The following USP30 variants were observed in gnomAD, a reference collection of about 807,000 sequenced individuals.
USP30 encodes ubiquitin carboxyl-terminal hydrolase 30.
USP30 carries 41 observed loss-of-function variants against 68.2 expected under a neutral mutation model. The ratio of observed to expected loss-of-function variants is 0.60; its 90% confidence interval spans 0.47 to 0.78. The LOEUF (loss-of-function observed/expected upper bound fraction) is 0.78. USP30 is among the 30% of genes least tolerant of loss of function. USP30 has a pLI of 0.00. For missense variants in USP30, 522 were observed against 649.4 expected, an observed-to-expected ratio of 0.80 and a Z score of 2.13; for synonymous variants, 229 against 253.7, an observed-to-expected ratio of 0.90 and a Z score of 0.93.
intron 3 of USP30, among the ~76,000 whole-genome samples, chr12:109,037,534 A>G (rs1045436666): frequency 6.6e-6 from 1 of 151,942 alleles, no homozygotes; most frequent in Non-Finnish European, 1.5e-5. Context: ...TAATATGGCA[A>G]CTCTGGAAAT....
chr12:109,061,638 A>G (rs1489751751), intron 3 of USP30, among the ~76,000 whole-genome samples: 2 of 151,784 alleles, frequency 1.3e-5, no homozygotes, highest in East Asian at 2.0e-4. Flanking sequence ...TCGAACTCCT[A>G]AGCTCAAGCA....
chr12:109,078,116 C>A (rs1315722991), intron 7 of USP30, among the ~76,000 whole-genome samples: 1 of 152,194 alleles, frequency 6.6e-6, no homozygotes, highest in East Asian at 1.9e-4. Context: ...GGAACCTCCT[C>A]CGTACAATTT....
intron 2 of USP30, among the ~76,000 whole-genome samples, chr12:109,057,173 G>A (rs2040902908): frequency 6.6e-6 from 1 of 151,560 alleles, no homozygotes; most frequent in South Asian, 2.1e-4. Context: ...TCAAGTTAGT[G>A]CCTTCATTAC....
At chr12:109,052,813 G>A in intron 1 of USP30, 52 bp downstream of exon 1, 2 of 1,396,986 alleles carry the variant, frequency 1.4e-6, no homozygotes, top group Non-Finnish European at 1.9e-6. Context: ...AGGGTCCCCA[G>A]CTTGGGCCCG....
At chr12:109,034,772 C>A (rs923496322) in intron 3 of USP30, among the ~76,000 whole-genome samples, 1 of 151,802 alleles carries the variant, frequency 6.6e-6, no homozygotes, top group Non-Finnish European at 1.5e-5. Context: ...TTAATTCTGT[C>A]CTTTTTTTTT....
At chr12:109,067,200 G>A (rs1230081928) in intron 3 of USP30, among the ~76,000 whole-genome samples, 3 of 137,774 alleles carry the variant, frequency 2.2e-5, no homozygotes, top group East Asian at 2.3e-4. Context: ...TGCAAGCTCC[G>A]CCTCCCGGGT....
At chr12:109,076,990 T>TCA (rs2041631318) in intron 7 of USP30, among the ~76,000 whole-genome samples, 1 of 152,064 alleles carries the variant, frequency 6.6e-6, no homozygotes, top group African/African-American at 2.4e-5. Flanking sequence ...CCTCAGCCTC[T>TCA]CAAAGTGCTG....
chr12:109,039,750 A>C (rs769673138), intron 3 of USP30, among the ~76,000 whole-genome samples: 47 of 152,158 alleles, frequency 3.1e-4, no homozygotes, highest in Non-Finnish European at 5.1e-4. Context: ...AGCTGGGACT[A>C]CAGGTGCCCG....
At chr12:109,034,436 T>C (rs371828004) in intron 3 of USP30, among the ~76,000 whole-genome samples, 4 of 152,166 alleles carry the variant, frequency 2.6e-5, no homozygotes, top group East Asian at 1.9e-4. Flanking sequence ...GAAGAAAGTG[T>C]ATTCTGTAGG....
intron 9 of USP30, 144 bp downstream of exon 9, chr12:109,082,163 A>G (rs902871366): frequency 1.2e-6 from 1 of 816,042 alleles, no homozygotes; most frequent in Non-Finnish European, 2.0e-6. Flanking sequence ...TGGTTTGGAC[A>G]TTGGCAGCTC....
At chr12:109,041,932 C>A (rs917939761) in intron 3 of USP30, among the ~76,000 whole-genome samples, 14 of 151,904 alleles carry the variant, frequency 9.2e-5, no homozygotes, top group Admixed American at 9.2e-4. Flanking sequence ...TAAAGAAAGA[C>A]AAACTTATAG....
upstream of USP30, among the ~76,000 whole-genome samples, chr12:109,051,920 T>C (rs2040681663): frequency 6.6e-6 from 1 of 152,188 alleles, no homozygotes; most frequent in African/African-American, 2.4e-5. Context: ...TAAAATTACC[T>C]ATGTGGCTCC....
Position 109,085,574 on chromosome 12 carries a change from C to T in USP30, c.1290-93C>T, listed in dbSNP as rs147362241. On this transcript the variant is annotated intron_variant, in intron 12 of 12. Transcript: ENST00000257548. ...GGTGGTATGGACTTACCATTGTATT[C>T]ATCCCCTATTTAACATTAGCATTCT... 66 of 1,459,426 alleles carry T rather than the reference C, an allele frequency of 4.5e-5. No homozygotes were observed. In the East Asian group the frequency reaches 1.4e-3, roughly 32 times the overall value. 90.4% of individuals were successfully genotyped at this position (1,459,426 alleles called of 1,614,324 possible). A position where few individuals can be genotyped will look rare whatever the true frequency, so the allele number is the denominator to read the frequency against.
rs2135851360 is a variant in USP30, at chr12:109,087,668, C to T, written c.*1737C>T. 1 of 152,390 alleles carries T rather than the reference C, an allele frequency of 6.6e-6. No homozygotes were observed. The highest frequency in any genetic ancestry group is 1.9e-4 in the East Asian group (1 of 5,186). 9.4% of individuals were successfully genotyped at this position (152,390 alleles called of 1,614,324 possible). A position where few individuals can be genotyped will look rare whatever the true frequency, so the allele number is the denominator to read the frequency against. On this transcript the variant is annotated 3_prime_UTR_variant, in exon 13 of 13. Coordinates refer to ENST00000257548, the MANE Select transcript of USP30 (RefSeq NM_032663.5). Reference sequence around the variant, plus strand: ...AATTGCTGTTCTGCCACTGCTTACTCTGAAATCTACCATCAAAGAAAGATA... The same window carrying T: ...AATTGCTGTTCTGCCACTGCTTACTTTGAAATCTACCATCAAAGAAAGATA...
intron 7 of USP30, among the ~76,000 whole-genome samples, chr12:109,079,573 T>C (rs1257955179): frequency 6.6e-6 from 1 of 151,764 alleles, no homozygotes; most frequent in Non-Finnish European, 1.5e-5. Flanking sequence ...ACTGTGTTGC[T>C]CAGGTTGGTC....
intron 2 of USP30, among the ~76,000 whole-genome samples, chr12:109,027,149 T>C (rs2040450376): frequency 6.6e-6 from 1 of 152,212 alleles, no homozygotes; most frequent in South Asian, 2.1e-4. Context: ...AGTATATTCA[T>C]AATGTTATAT....
chr12:109,081,660 C>CACACAG lies in USP30; in HGVS notation c.780+270_781-269insCAGACA. 7.1e-6 allele frequency: 4 copies of CACACAG among 565,536 alleles called. No individual in the cohort carries two copies. In the South Asian group the frequency reaches 8.5e-5, roughly 12 times the overall value. The allele number at this position is 565,536 out of a possible 1,614,324, so 35.0% of individuals were successfully genotyped here. A position where few individuals can be genotyped will look rare whatever the true frequency, so the allele number is the denominator to read the frequency against. On this transcript the variant is annotated intron_variant, in intron 8 of 12. Coordinates refer to ENST00000257548, the MANE Select transcript of USP30 (RefSeq NM_032663.5). Reference sequence around the variant, plus strand: ...ACACACACACACACACACACACACACACAGACATTAACCTCAGATTGAAAG... The same window carrying CACACAG: ...ACACACACACACACACACACACACACACACAGACAGACATTAACCTCAGATTGAAAG...
At chr12:109,068,600 A>G (rs1457784839) in intron 4 of USP30, among the ~76,000 whole-genome samples, 1 of 152,216 alleles carries the variant, frequency 6.6e-6, no homozygotes, top group African/African-American at 2.4e-5. Context: ...TCCTCTGGTA[A>G]CTGGAATTAT....
At chr12:109,030,600 A>C (rs1242899250) in intron 3 of USP30, among the ~76,000 whole-genome samples, 1 of 152,158 alleles carries the variant, frequency 6.6e-6, no homozygotes, top group East Asian at 1.9e-4. Context: ...ACACACACAC[A>C]AAAAGGTAGG....
Sources: allele counts gnomAD v4.1 joint callset (sites outside exome capture counted in the v4.1 genomes callset), GRCh38; gene constraint gnomAD v4.1.1; transcripts MANE v1.5; gene names NCBI Gene and HGNC (gene_info 2026-07-23, HGNC 2026-07-21).